The following ZFR variants were observed in gnomAD, a reference collection of about 807,000 sequenced individuals.
ZFR encodes the protein zinc finger RNA-binding protein.
A neutral mutation model predicts 130.7 loss-of-function variants in ZFR; 19 were observed. That is an observed-to-expected ratio of 0.15 (90% confidence interval 0.10 to 0.21). The LOEUF (loss-of-function observed/expected upper bound fraction) is 0.21, where lower values mean the gene tolerates loss of function less well. ZFR is among the 10% of genes least tolerant of loss of function. The probability of loss-of-function intolerance (pLI) is 1.00; values close to 1 mark genes in which losing one functional copy is unlikely to be tolerated. For missense variants in ZFR, 872 were observed against 1,321.5 expected, an observed-to-expected ratio of 0.66 and a Z score of 5.27; for synonymous variants, 466 against 456.9, an observed-to-expected ratio of 1.02 and a Z score of -0.25.
chr5:32,397,105 C>A, intron 10 of ZFR, 114 bp downstream of exon 10: 1 of 1,161,692 alleles, frequency 8.6e-7, no homozygotes, highest in Non-Finnish European at 1.2e-6. Flanking sequence ...TAGAATGGGA[C>A]ATCATGGACT....
chr5:32,428,975 CTTTTTTTTTTTTTTTT>C (rs576959110), intron 2 of ZFR, among the ~76,000 whole-genome samples: 1 of 91,200 alleles, frequency 1.1e-5, no homozygotes, highest in Admixed American at 1.2e-4. Flanking sequence ...CTTCTTACAT[CTTTTTTTTTTTTTTTT>C]TTTTTTTTTT....
Position 32,417,840 on chromosome 5 carries a change from GA to G in ZFR, c.421-49del, listed in dbSNP as rs757385642. ...AATCTTGCTATGAGACAAGTGGAAGGAAAAAAATACTTACTGTATAGAAGTG... is the reference window on the plus strand; with the variant it reads ...AATCTTGCTATGAGACAAGTGGAAGGAAAAAATACTTACTGTATAGAAGTG... On this transcript the variant is annotated intron_variant, in intron 3 of 19. Coordinates refer to ENST00000265069, the MANE Select transcript of ZFR (RefSeq NM_016107.5). 7 of 1,576,874 alleles carry G rather than the reference GA, an allele frequency of 4.4e-6. No homozygotes were observed. The South Asian group carries it at 4.5e-5, about 10-fold the overall frequency.
rs1456971506 is a variant in ZFR at position 32,364,177 on chromosome 5, C to T, written c.2934G>A (p.Gly978=). 6 of 1,611,626 alleles carry T rather than the reference C, an allele frequency of 3.7e-6. No individual in the cohort carries two copies. In the East Asian group the frequency reaches 6.7e-5, roughly 18 times the overall value. The change falls in exon 18 of 20, where the codon GGG becomes GGA. Residue 978 remains glycine (G), a synonymous_variant. Transcript: ENST00000265069. ...AGTAAGAGTTACCTTTAAGAATAAT[C>T]CCTGAAGAAATGCATTCAAAAACTC... ...LRRVFECISS[G]IILKGSPGLL... is the part of the protein sequence containing the mutation.
At chr5:32,438,358 G>C (rs1174340511) in intron 2 of ZFR, among the ~76,000 whole-genome samples, 2 of 145,086 alleles carry the variant, frequency 1.4e-5, no homozygotes, top group African/African-American at 5.1e-5. Context: ...CCACCTCCTG[G>C]ATTCAAGCTA....
At chr5:32,378,865 T>TAAA (rs3833640) in intron 17 of ZFR, among the ~76,000 whole-genome samples, 1 of 148,666 alleles carries the variant, frequency 6.7e-6, no homozygotes, top group South Asian at 2.1e-4. Flanking sequence ...GCTGTAATAT[T>TAAA]AAAAAAAAAA....
At chr5:32,383,107 A>G (rs1010407502) in intron 15 of ZFR, among the ~76,000 whole-genome samples, 1 of 152,248 alleles carries the variant, frequency 6.6e-6, no homozygotes, top group East Asian at 1.9e-4. Context: ...TGTAAAATAT[A>G]TAACCCACTC....
chr5:32,390,193 C>T (rs1372707156), intron 12 of ZFR, 82 bp downstream of exon 12: 11 of 1,501,498 alleles, frequency 7.3e-6, no homozygotes, highest in Non-Finnish European at 9.9e-6. Context: ...TAAGTCTAAA[C>T]ATTAGCCCCT....
chr5:32,406,455 C>A (rs528780376), intron 6 of ZFR, among the ~76,000 whole-genome samples: 1 of 151,970 alleles, frequency 6.6e-6, no homozygotes, highest in South Asian at 2.1e-4. Context: ...AAAAACACAA[C>A]GAAATAAAAA....
chr5:32,381,129 A>G (rs1752927444), intron 15 of ZFR, among the ~76,000 whole-genome samples: 2 of 152,200 alleles, frequency 1.3e-5, no homozygotes, highest in African/African-American at 2.4e-5. Context: ...AACAGAATTA[A>G]GAGTGGAAAA....
chr5:32,362,357 C>T (rs528486751), intron 19 of ZFR, among the ~76,000 whole-genome samples: 1 of 151,870 alleles, frequency 6.6e-6, no homozygotes, highest in African/African-American at 2.4e-5. Flanking sequence ...TAGTGGCATA[C>T]AAGAATAAAG....
At chr5:32,444,454 C>A (rs1188290779) in intron 1 of ZFR, 126 bp from the exon 2 acceptor site, 1 of 1,282,714 alleles carries the variant, frequency 7.8e-7, no homozygotes, top group Non-Finnish European at 1.0e-6. Flanking sequence ...GGGCCCAGGC[C>A]GCGGCCGCGC....
intron 18 of ZFR, 49 bp downstream of exon 18, chr5:32,364,115 C>G: frequency 6.3e-7 from 1 of 1,596,148 alleles, no homozygotes; most frequent in Non-Finnish European, 8.6e-7. Flanking sequence ...ATTCAACCAG[C>G]AAATGAGTAA....
intron 2 of ZFR, among the ~76,000 whole-genome samples, chr5:32,429,405 C>T (rs1424191045): frequency 6.6e-6 from 1 of 151,956 alleles, no homozygotes; most frequent in Non-Finnish European, 1.5e-5. Flanking sequence ...TGGTGAAACC[C>T]TGTCTCCACT....
At chr5:32,416,160 AC>A (rs1393222658) in intron 4 of ZFR, among the ~76,000 whole-genome samples, 4 of 152,182 alleles carry the variant, frequency 2.6e-5, no homozygotes, top group Admixed American at 1.3e-4. Context: ...CAGAGATGAG[AC>A]TAATATCCAA....
Position 32,415,095 on chromosome 5 carries a change from G to C in ZFR, c.658C>G (p.Pro220Ala). The C allele has an allele frequency of 6.2e-7, 1 of 1,614,100 alleles. No individual in the cohort carries two copies. Among genetic ancestry groups the C allele is most frequent in the African/African-American group, 1.3e-5 (1 of 75,030 alleles). Reference sequence around the variant, plus strand: ...TAGATGGAGAAAGTAGTGGTAGCTGGACTTGGTGTGGCTGGTTTTATGGCT... The same window carrying C: ...TAGATGGAGAAAGTAGTGGTAGCTGCACTTGGTGTGGCTGGTTTTATGGCT... ...VTAIKPATPS[P>A]ATTTFSIYPV... Residue 220 changes from proline (P) to alanine (A), a missense_variant, in exon 5 of 20, where the codon CCA becomes GCA. Transcript: ENST00000265069.
chr5:32,429,429 A>T (rs547216099), intron 2 of ZFR, among the ~76,000 whole-genome samples: 3 of 152,258 alleles, frequency 2.0e-5, no homozygotes, highest in Admixed American at 6.5e-5. Context: ...AAATACAAAA[A>T]TTAGCCAGGT....
intron 1 of ZFR, 23 bp from the exon 2 acceptor site, chr5:32,444,351 G>A (rs1471335110): frequency 6.5e-7 from 1 of 1,534,606 alleles, no homozygotes; most frequent in Non-Finnish European, 8.8e-7. Flanking sequence ...CGAAGAGTCG[G>A]GTCCCATGGC....
chr5:32,356,546 G>A (rs1356009278), intron 19 of ZFR, among the ~76,000 whole-genome samples: 29 of 151,910 alleles, frequency 1.9e-4, no homozygotes, highest in African/African-American at 6.3e-4. Flanking sequence ...CCAAGTAGCT[G>A]GGACTACAGG....
rs1234221587 is a variant in ZFR, at chr5:32,417,519, G to A, written c.565+129C>T. 1.5e-5 allele frequency: 17 copies of A among 1,132,362 alleles called. No homozygotes were observed. The East Asian group carries it at 3.4e-4, about 22-fold the overall frequency. The allele number at this position is 1,132,362 out of a possible 1,614,324, so 70.1% of individuals were successfully genotyped here. On this transcript the variant is annotated intron_variant, in intron 4 of 19. Transcript: ENST00000265069. ...GACTCCAAGGCATTTAGTAGGACAG[G>A]TCTAGAACCTGCCTCCTAAGATGAT...
Sources: allele counts gnomAD v4.1 joint callset (sites outside exome capture counted in the v4.1 genomes callset), GRCh38; gene constraint gnomAD v4.1.1; transcripts MANE v1.5; gene names NCBI Gene and HGNC (gene_info 2026-07-23, HGNC 2026-07-21).